Variants in RNLS observed in about 807,000 individuals in gnomAD.
RNLS encodes renalase, FAD dependent amine oxidase.
Under a neutral mutation model 39.8 loss-of-function variants are expected in RNLS, and 39 were observed. The observed-to-expected ratio is 0.98, with a 90% CI of 0.76 to 1.28. RNLS has a LOEUF of 1.28. Among genes scored for constraint, RNLS ranks in the 50% most tolerant of loss-of-function variants. The probability of loss-of-function intolerance (pLI) is 0.00; values close to 1 mark genes in which losing one functional copy is unlikely to be tolerated. For synonymous variants in RNLS, 147 were observed against 150.7 expected, an observed-to-expected ratio of 0.98 and a Z score of 0.18; for missense variants, 410 against 413.3, an observed-to-expected ratio of 0.99 and a Z score of 0.07.
chr10:88,576,947 G>C (rs1349495597), intron 3 of RNLS, among the ~76,000 whole-genome samples: 1 of 152,132 alleles, frequency 6.6e-6, no homozygotes, highest in East Asian at 1.9e-4. Flanking sequence ...CCTCCCTATT[G>C]GTAGGACAAG....
chr10:88,331,657 G>A (rs768696356), intron 5 of RNLS, among the ~76,000 whole-genome samples: 1 of 152,176 alleles, frequency 6.6e-6, no homozygotes, highest in Non-Finnish European at 1.5e-5. Flanking sequence ...GTTGGACAAG[G>A]AGCTGGGGGC....
At chr10:88,445,025 C>A (rs1273885371) in intron 4 of RNLS, among the ~76,000 whole-genome samples, 1 of 152,038 alleles carries the variant, frequency 6.6e-6, no homozygotes, top group African/African-American at 2.4e-5. Flanking sequence ...GTCAGATTCA[C>A]CAAAGTTGAA....
chr10:88,192,123 G>A, the RNLS span, among the ~76,000 whole-genome samples: 1 of 151,926 alleles, frequency 6.6e-6, no homozygotes, highest in African/African-American at 2.4e-5. Context: ...TCTTTGTCAG[G>A]GCAGCCCCTC....
intron 5 of RNLS, among the ~76,000 whole-genome samples, chr10:88,321,104 C>T: frequency 6.6e-6 from 1 of 151,956 alleles, no homozygotes; most frequent in Admixed American, 6.6e-5. Flanking sequence ...AGCATCTTCT[C>T]AGACCACAGT....
intron 4 of RNLS, among the ~76,000 whole-genome samples, chr10:88,501,371 A>G (rs776047674): frequency 6.6e-6 from 1 of 152,172 alleles, no homozygotes; most frequent in African/African-American, 2.4e-5. Context: ...ACATTCAATT[A>G]ACTGTTAGTT....
chr10:88,568,226 A>G (rs908652461), intron 4 of RNLS, among the ~76,000 whole-genome samples: 6 of 152,186 alleles, frequency 3.9e-5, no homozygotes, highest in Non-Finnish European at 7.3e-5. Flanking sequence ...CAGCTCCATC[A>G]TGACCTTTTA....
At position 88,537,741 on chromosome 10, in the gene RNLS, G is replaced by A. The variant is rs1038019891; in HGVS notation, c.526+35162C>T. Among the ~76,000 whole-genome samples, 8 of 152,124 alleles carry A rather than the reference G, an allele frequency of 5.3e-5. No individual in the cohort carries two copies. In the East Asian group the frequency reaches 9.6e-4, roughly 18 times the overall value. On this transcript the variant is annotated intron_variant, in intron 4 of 6. Coordinates refer to ENST00000331772, the MANE Select transcript of RNLS (RefSeq NM_001031709.3). ...GTTAGGGGCTGGAAGGGAGCTAAGG[G>A]GGGCTTCTCAAGTGCTAATGTGTTT...
At chr10:88,417,856 C>G (rs1854134030) in intron 4 of RNLS, among the ~76,000 whole-genome samples, 1 of 152,154 alleles carries the variant, frequency 6.6e-6, no homozygotes, top group Non-Finnish European at 1.5e-5. Context: ...ACTATAGAAG[C>G]CTTCTCTTTA....
intron 4 of RNLS, among the ~76,000 whole-genome samples, chr10:88,393,660 A>G (rs945045524): frequency 2.0e-5 from 3 of 152,144 alleles, no homozygotes; most frequent in Non-Finnish European, 2.9e-5. Flanking sequence ...TCAAGCTACC[A>G]ATGACTTTCT....
intron 3 of RNLS, 126 bp from the exon 4 acceptor site, chr10:88,573,187 C>A: frequency 1.3e-6 from 1 of 784,354 alleles, no homozygotes. Flanking sequence ...CTACTGTCCT[C>A]CAGCTCTCTT....
At chr10:88,465,162 T>C (rs1037627769) in intron 4 of RNLS, among the ~76,000 whole-genome samples, 2 of 152,124 alleles carry the variant, frequency 1.3e-5, no homozygotes, top group African/African-American at 4.8e-5. Context: ...TTATTGCTAC[T>C]AGTAGGCAAT....
chr10:88,216,657 T>C, the RNLS span, among the ~76,000 whole-genome samples: 1 of 152,208 alleles, frequency 6.6e-6, no homozygotes, highest in African/African-American at 2.4e-5. Context: ...TGCTTTTCTC[T>C]GGAGCACAGA....
At chr10:88,198,372 T>C in the RNLS span, among the ~76,000 whole-genome samples, 1 of 152,184 alleles carries the variant, frequency 6.6e-6, no homozygotes, top group Non-Finnish European at 1.5e-5. Context: ...CCAACGTTAT[T>C]AGAGGGAAGG....
the RNLS span, among the ~76,000 whole-genome samples, chr10:88,202,289 G>T: frequency 7.9e-6 from 1 of 126,078 alleles, no homozygotes; most frequent in Admixed American, 8.6e-5. Flanking sequence ...CACACACCGG[G>T]GCCTGATGTG....
chr10:88,328,512 C>T (rs147887323), intron 5 of RNLS, among the ~76,000 whole-genome samples: 3 of 152,176 alleles, frequency 2.0e-5, no homozygotes, highest in Non-Finnish European at 4.4e-5. Flanking sequence ...CATGTTTGCA[C>T]GTTTCTTTTT....
chr10:88,315,738 G>GT lies in RNLS; in HGVS notation c.701-1098dup, dbSNP rs202128805. Among the ~76,000 whole-genome samples the GT allele has an allele frequency of 3.8e-3, 510 of 133,390 alleles. 18 individuals are homozygous for GT. The highest frequency in any genetic ancestry group is 7.8e-3 in the Middle Eastern group (2 of 258). 87.5% of individuals were successfully genotyped at this position (133,390 alleles called of 152,430 possible). A position where few individuals can be genotyped will look rare whatever the true frequency, so the allele number is the denominator to read the frequency against. ...CCCGCTTAACCTCTTTACATTTCAG[G>GT]TTTTTTTTTTTTTTTAATGAGAATA... On this transcript the variant is annotated intron_variant, in intron 5 of 6. Transcript: ENST00000331772.
intron 6 of RNLS, among the ~76,000 whole-genome samples, chr10:88,298,781 C>T (rs1263850924): frequency 6.6e-6 from 1 of 151,930 alleles, no homozygotes; most frequent in African/African-American, 2.4e-5. Context: ...TAACTTTGTT[C>T]TTTTTTTCAA....
chr10:88,271,585 T>A (rs2132574822), downstream of RNLS, among the ~76,000 whole-genome samples: 2 of 152,328 alleles, frequency 1.3e-5, no homozygotes, highest in Non-Finnish European at 2.9e-5. Flanking sequence ...GGAACATCCC[T>A]GGTCTGCTCA....
chr10:88,454,118 T>C (rs1039566386), intron 4 of RNLS, among the ~76,000 whole-genome samples: 2 of 152,140 alleles, frequency 1.3e-5, no homozygotes, highest in Non-Finnish European at 2.9e-5. Context: ...CCAACACTTA[T>C]GGGCTGAAAA....
Sources: gnomAD v4.1 joint callset for allele counts (sites outside exome capture counted in the v4.1 genomes callset) on GRCh38, gnomAD v4.1.1 for gene constraint, MANE v1.5 for transcripts, NCBI Gene and HGNC (gene_info 2026-07-23, HGNC 2026-07-21) for gene names.